RYR2: variants seen among roughly 807,000 people sequenced by gnomAD.
RYR2 encodes the protein ryanodine receptor 2.
Under a neutral mutation model 601.1 loss-of-function variants are expected in RYR2, and 227 were observed. That is an observed-to-expected ratio of 0.38 (90% CI 0.34 to 0.42). RYR2 has a LOEUF of 0.42. Among genes scored for constraint, RYR2 ranks in the 10% least tolerant of loss-of-function variants. The probability of loss-of-function intolerance (pLI) is 1.00; values close to 1 mark genes in which losing one functional copy is unlikely to be tolerated. For synonymous variants in RYR2, 2,223 were observed against 2,175.1 expected (o/e 1.02, Z -0.61); for missense variants, 4,646 against 6,156.5 (o/e 0.75, Z 8.21).
intron 41 of RYR2, 136 bp from the exon 42 acceptor site, chr1:237,631,291 T>C: frequency 1.7e-6 from 1 of 599,088 alleles, no homozygotes; most frequent in Non-Finnish European, 2.9e-6. Context: ...TCATTAATTT[T>C]TGTGGCTTAT....
chr1:237,360,683 A>G (rs1699702711), intron 4 of RYR2, among the ~76,000 whole-genome samples: 1 of 152,192 alleles, frequency 6.6e-6, no homozygotes, highest in Non-Finnish European at 1.5e-5. Flanking sequence ...ACTAGATTCC[A>G]GTGATGGTCA....
intron 80 of RYR2, among the ~76,000 whole-genome samples, chr1:237,750,373 C>A (rs576660479): frequency 6.6e-6 from 1 of 151,768 alleles, no homozygotes; most frequent in Non-Finnish European, 1.5e-5. Flanking sequence ...ATATTTGACT[C>A]CAAGCTTTCT....
chr1:237,823,719 C>CA (rs1305253505), intron 101 of RYR2, among the ~76,000 whole-genome samples: 4 of 151,966 alleles, frequency 2.6e-5, no homozygotes, highest in East Asian at 1.9e-4. Context: ...AAAAACCCTT[C>CA]AAAAAAATCA....
rs942760230 is a variant in RYR2, at chr1:237,073,815, G to A, written c.48+31246G>A. Among the ~76,000 whole-genome samples, 8 of 139,796 alleles carry A rather than the reference G, an allele frequency of 5.7e-5. No homozygotes were observed. The East Asian group carries it at 1.5e-3, about 27-fold the overall frequency. 91.7% of individuals were successfully genotyped at this position (139,796 alleles called of 152,430 possible). A position where few individuals can be genotyped will look rare whatever the true frequency, so the allele number is the denominator to read the frequency against. On this transcript the variant is annotated intron_variant, in intron 1 of 104. Transcript: ENST00000366574. ...AAACTTGGGAGGCAGAGGCTGCAGT[G>A]AGCCAAGCTCATACCACTGTACTCC...
chr1:237,118,006 A>G (rs1670330154), intron 1 of RYR2, among the ~76,000 whole-genome samples: 1 of 152,170 alleles, frequency 6.6e-6, no homozygotes, highest in Non-Finnish European at 1.5e-5. Flanking sequence ...TCAGCCTCCC[A>G]AAGTGTTGGG....
chr1:237,595,897 A>G (rs1675843919), intron 34 of RYR2, among the ~76,000 whole-genome samples: 1 of 152,060 alleles, frequency 6.6e-6, no homozygotes, highest in African/African-American at 2.4e-5. Context: ...CACCACCACA[A>G]ATGCCTGTAG....
intron 1 of RYR2, among the ~76,000 whole-genome samples, chr1:237,045,822 T>C (rs1256803699): frequency 6.6e-6 from 1 of 151,110 alleles, no homozygotes; most frequent in East Asian, 1.9e-4. Flanking sequence ...ATAGAAGATA[T>C]TCCTCTGACT....
At chr1:237,775,355 A>G (rs1445799431) in intron 87 of RYR2, among the ~76,000 whole-genome samples, 1 of 152,118 alleles carries the variant, frequency 6.6e-6, no homozygotes, top group Non-Finnish European at 1.5e-5. Context: ...TGATTTTACT[A>G]GTTTTTCCAT....
chr1:237,531,513 C>T (rs995285150), intron 25 of RYR2, among the ~76,000 whole-genome samples: 8 of 152,212 alleles, frequency 5.3e-5, no homozygotes, highest in Admixed American at 1.3e-4. Flanking sequence ...ATAATAGCAT[C>T]GAGATATAAT....
intron 10 of RYR2, among the ~76,000 whole-genome samples, chr1:237,401,581 C>G (rs1036137331): frequency 1.4e-4 from 21 of 152,174 alleles, no homozygotes; most frequent in Non-Finnish European, 2.6e-4. Context: ...TTCTCGTTCC[C>G]TGTGGAATTA....
At chr1:237,702,138 C>A in intron 66 of RYR2, 79 bp downstream of exon 66, 1 of 819,452 alleles carries the variant, frequency 1.2e-6, no homozygotes, top group Non-Finnish European at 2.0e-6. Context: ...ATCTTCATTT[C>A]ATAACCTGTT....
chr1:237,676,039 A>T (rs573192187), intron 60 of RYR2, among the ~76,000 whole-genome samples: 1 of 152,266 alleles, frequency 6.6e-6, no homozygotes, highest in African/African-American at 2.4e-5. Context: ...GAATTAATGA[A>T]ATTTAACCGA....
chr1:237,801,958 T>C, intron 98 of RYR2, 42 bp downstream of exon 98: 1 of 1,216,980 alleles, frequency 8.2e-7, no homozygotes, highest in South Asian at 1.2e-5. Flanking sequence ...GCACTCTGAT[T>C]AGATAAGACT....
chr1:237,551,155 C>T (rs1049054676), intron 27 of RYR2, among the ~76,000 whole-genome samples: 15 of 152,164 alleles, frequency 9.9e-5, no homozygotes, highest in South Asian at 2.1e-4. Context: ...AATAGATACT[C>T]AATAACTAAC....
chr1:237,579,535 G>A (rs770887881), intron 29 of RYR2, among the ~76,000 whole-genome samples: 10 of 152,146 alleles, frequency 6.6e-5, no homozygotes, highest in Middle Eastern at 6.8e-3. Flanking sequence ...GATTACAGGC[G>A]TGAGCTGCTG....
intron 2 of RYR2, among the ~76,000 whole-genome samples, chr1:237,304,229 G>A (rs1316962328): frequency 6.6e-6 from 1 of 152,184 alleles, no homozygotes; most frequent in African/African-American, 2.4e-5. Context: ...GCAATCTAGT[G>A]CTGAGGAAAG....
intron 56 of RYR2, among the ~76,000 whole-genome samples, chr1:237,664,619 C>T (rs904255305): frequency 2.6e-5 from 4 of 152,090 alleles, no homozygotes; most frequent in Non-Finnish European, 5.9e-5. Context: ...AGGAAAATGC[C>T]CCTATGATTC....
chr1:237,262,076 A>G (rs1688580335), intron 1 of RYR2, among the ~76,000 whole-genome samples: 1 of 152,036 alleles, frequency 6.6e-6, no homozygotes, highest in Non-Finnish European at 1.5e-5. Flanking sequence ...ACTATTTGAA[A>G]GGAACTGTTG....
chr1:237,252,963 G>A (rs1572367588), intron 1 of RYR2, among the ~76,000 whole-genome samples: 1 of 151,916 alleles, frequency 6.6e-6, no homozygotes, highest in African/African-American at 2.4e-5. Context: ...TCAGGAGTTC[G>A]AGACCAGCCT....
Sources: allele counts gnomAD v4.1 joint callset (sites outside exome capture counted in the v4.1 genomes callset), GRCh38; gene constraint gnomAD v4.1.1; transcripts MANE v1.5; gene names NCBI Gene and HGNC (gene_info 2026-07-23, HGNC 2026-07-21).